RYR2: variants seen among roughly 807,000 people sequenced by gnomAD.
RYR2 encodes the protein ryanodine receptor 2, also known as cardiac muscle ryanodine receptor-calcium release channel.
RYR2 carries 227 observed loss-of-function variants against 601.1 expected under a neutral mutation model. That is an observed-to-expected ratio of 0.38 (90% CI 0.34 to 0.42). RYR2 has a LOEUF of 0.42. RYR2 is among the 10% of genes least tolerant of loss of function. The pLI is 1.00. For missense variants in RYR2, 4,646 were observed against 6,156.5 expected (o/e 0.75, Z 8.21); for synonymous variants, 2,223 against 2,175.1 (o/e 1.02, Z -0.61).
At chr1:237,701,094 C>G (rs1305646883) in intron 65 of RYR2, among the ~76,000 whole-genome samples, 2 of 152,224 alleles carry the variant, frequency 1.3e-5, no homozygotes, top group Non-Finnish European at 2.9e-5. Flanking sequence ...GGACATGAGC[C>G]TTTGTTGAGC....
chr1:237,193,886 A>G lies in RYR2; in HGVS notation c.49-76611A>G, dbSNP rs573331485. Among the ~76,000 whole-genome samples, 77 of 152,296 alleles carry G rather than the reference A, an allele frequency of 5.1e-4. 1 individual carries two copies. The highest frequency in any genetic ancestry group is 1.7e-3 in the African/African-American group (72 of 41,566). On this transcript the variant is annotated intron_variant, in intron 1 of 104. Transcript: ENST00000366574. ...ACTTTTTTTCCTCACTGCATTTCTA[A>G]TAGTTTAATAAAAAATCTCTTATGA...
intron 5 of RYR2, 33 bp from the exon 6 acceptor site, chr1:237,369,501 C>G (rs1196079041): frequency 6.5e-7 from 1 of 1,534,096 alleles, no homozygotes; most frequent in Non-Finnish European, 8.8e-7. Flanking sequence ...GTGTTTTTCT[C>G]TCTTGTTCTC....
At chr1:237,393,314 C>G (rs1395115044) in intron 10 of RYR2, among the ~76,000 whole-genome samples, 2 of 152,130 alleles carry the variant, frequency 1.3e-5, no homozygotes, top group Non-Finnish European at 2.9e-5. Context: ...AAAAGCTATG[C>G]CATGTGTATG....
At chr1:237,120,369 T>C (rs113845853) in intron 1 of RYR2, among the ~76,000 whole-genome samples, 1,652 of 152,298 alleles carry the variant, frequency 0.011, 34 homozygotes, top group African/African-American at 0.038. Flanking sequence ...TAGCTCCACT[T>C]GAATTTGTGT....
intron 76 of RYR2, among the ~76,000 whole-genome samples, chr1:237,727,512 A>T (rs760857120): frequency 6.6e-6 from 1 of 152,034 alleles, no homozygotes; most frequent in Non-Finnish European, 1.5e-5. Context: ...TTGGCATCAG[A>T]CTTGTCTTGA....
At chr1:237,219,736 G>T (rs1036231530) in intron 1 of RYR2, among the ~76,000 whole-genome samples, 1 of 152,142 alleles carries the variant, frequency 6.6e-6, no homozygotes, top group African/African-American at 2.4e-5. Context: ...TCCTAACATA[G>T]TTGTCTAATG....
At chr1:237,046,781 A>G (rs999813702) in intron 1 of RYR2, among the ~76,000 whole-genome samples, 6 of 152,176 alleles carry the variant, frequency 3.9e-5, no homozygotes, top group Admixed American at 3.9e-4. Flanking sequence ...AGAGAGGGAG[A>G]GGTGATGAAG....
At chr1:237,616,526 T>A (rs1208136172) in intron 37 of RYR2, among the ~76,000 whole-genome samples, 9 of 152,196 alleles carry the variant, frequency 5.9e-5, no homozygotes, top group Non-Finnish European at 1.3e-4. Flanking sequence ...GTTTTCTTCC[T>A]AAAATGCTCA....
rs1663390310 is a variant in RYR2, at chr1:237,828,300, C to T, written c.14591-81C>T. 11 of 961,552 alleles carry T rather than the reference C, an allele frequency of 1.1e-5. No homozygotes were observed. The South Asian group carries it at 1.5e-4, about 14-fold the overall frequency. The allele number at this position is 961,552 out of a possible 1,614,324, so 59.6% of individuals were successfully genotyped here. On this transcript the variant is annotated intron_variant, in intron 101 of 104. Coordinates refer to ENST00000366574, the MANE Select transcript of RYR2 (RefSeq NM_001035.3). ...TTTTGCAAGGTAGTTGTACATCTCCCCTTTCCCTGGGGGGATTAGCCAAGG... is the reference window on the plus strand; with the variant it reads ...TTTTGCAAGGTAGTTGTACATCTCCTCTTTCCCTGGGGGGATTAGCCAAGG...
At chr1:237,557,811 A>G (rs2805468) in intron 27 of RYR2, among the ~76,000 whole-genome samples, 94,478 of 151,818 alleles carry the variant, frequency 0.62, 30,453 homozygotes, top group Non-Finnish European at 0.71. Context: ...AAGTACATAC[A>G]CACTGGTTGG....
intron 10 of RYR2, among the ~76,000 whole-genome samples, chr1:237,403,812 A>G (rs1241219331): frequency 6.6e-6 from 1 of 152,248 alleles, no homozygotes; most frequent in Non-Finnish European, 1.5e-5. Context: ...CTTTGAGTAG[A>G]AGAAAACTAT....
At position 237,675,138 on chromosome 1, in the gene RYR2, A is replaced by G. The variant is rs577658902; in HGVS notation, c.8830+292A>G. On this transcript the variant is annotated intron_variant, in intron 60 of 104. Coordinates refer to ENST00000366574, the MANE Select transcript of RYR2 (RefSeq NM_001035.3). The stretch of plus-strand genomic sequence containing the variant: ...ACATTGGAAGGACATCAGAATTTGA[A>G]GGTAGAGTTAAATCTCGCCTATGAA... Among the ~76,000 whole-genome samples the G allele has an allele frequency of 9.8e-5, 15 of 152,296 alleles. No individual in the cohort carries two copies. In the South Asian group the frequency reaches 2.3e-3, roughly 23 times the overall value.
rs191997715 is a variant in RYR2, at chr1:237,134,024, G to A, written c.48+91455G>A. ...TCCACGTTTCCGTTGGTGGTTATTG[G>A]AGGTGTTCCCTTGGGTCTGAAGTAC... On this transcript the variant is annotated intron_variant, in intron 1 of 104. Transcript: ENST00000366574. Among the ~76,000 whole-genome samples the A allele has an allele frequency of 1.3e-3, 199 of 152,028 alleles. 3 individuals are homozygous for A. The East Asian group carries it at 0.024, about 18-fold the overall frequency.
chr1:237,491,009 C>T (rs969649114), intron 17 of RYR2, among the ~76,000 whole-genome samples: 1 of 152,144 alleles, frequency 6.6e-6, no homozygotes, highest in Non-Finnish European at 1.5e-5. Context: ...GTTGACAAGG[C>T]AAGCTTGTTC....
At chr1:237,553,472 A>G (rs529864615) in intron 27 of RYR2, among the ~76,000 whole-genome samples, 130 of 152,084 alleles carry the variant, frequency 8.5e-4, no homozygotes, top group African/African-American at 2.5e-3. Flanking sequence ...TTTTTATCAC[A>G]TAGTAAATTT....
chr1:237,635,128 T>TA, intron 44 of RYR2, 136 bp downstream of exon 44: 1 of 587,828 alleles, frequency 1.7e-6, no homozygotes, highest in Non-Finnish European at 2.9e-6. Context: ...AAACCGCAAT[T>TA]AATTTTGCAC....
chr1:237,231,400 A>G (rs746048292), intron 1 of RYR2, among the ~76,000 whole-genome samples: 9 of 150,420 alleles, frequency 6.0e-5, no homozygotes, highest in Non-Finnish European at 1.3e-4. Flanking sequence ...GGCTTAAGCG[A>G]TCCTCCTGCC....
intron 76 of RYR2, among the ~76,000 whole-genome samples, chr1:237,730,046 G>A (rs1275572449): frequency 6.6e-6 from 1 of 152,102 alleles, no homozygotes; most frequent in Non-Finnish European, 1.5e-5. Context: ...ATGTTACAAA[G>A]CTTGGAAATG....
intron 12 of RYR2, among the ~76,000 whole-genome samples, chr1:237,431,891 C>T (rs1706841542): frequency 6.6e-6 from 1 of 152,146 alleles, no homozygotes; most frequent in Non-Finnish European, 1.5e-5. Context: ...GGGTATGAAA[C>T]TTTACATTTC....
Sources: allele counts gnomAD v4.1 joint callset (sites outside exome capture counted in the v4.1 genomes callset), GRCh38; gene constraint gnomAD v4.1.1; transcripts MANE v1.5; gene names NCBI Gene and HGNC (gene_info 2026-07-23, HGNC 2026-07-21).